Variants in ADIPOR2 observed in about 807,000 individuals in gnomAD.
The protein encoded by ADIPOR2 is adiponectin receptor 2.
In ADIPOR2, 18 loss-of-function variants were observed where a neutral mutation model predicts 40.9. That is an observed-to-expected ratio of 0.44 (90% CI 0.30 to 0.65). The LOEUF is 0.65. Among genes scored for constraint, ADIPOR2 ranks in the 30% least tolerant of loss-of-function variants. The pLI, the probability that ADIPOR2 is intolerant of heterozygous loss-of-function variation, is 0.09. For synonymous variants in ADIPOR2, 165 were observed against 166.4 expected (o/e 0.99, Z 0.06); for missense variants, 283 against 479.2 (o/e 0.59, Z 3.82).
At chr12:1,755,439 A>T (rs76667618) in intron 2 of ADIPOR2, among the ~76,000 whole-genome samples, 1 of 152,216 alleles carries the variant, frequency 6.6e-6, no homozygotes, top group East Asian at 1.9e-4. Context: ...GACGTGGTCT[A>T]TGGGTACCAT....
intron 1 of ADIPOR2, among the ~76,000 whole-genome samples, chr12:1,747,001 C>G (rs1421042870): frequency 5.9e-5 from 9 of 152,010 alleles, no homozygotes; most frequent in Non-Finnish European, 1.0e-4. Context: ...TGTCCTTGCA[C>G]TCTAGTCTGG....
At position 1,748,272 on chromosome 12, in the gene ADIPOR2, G is replaced by A. The variant is rs6489328; in HGVS notation, c.-86-5986G>A. Among the ~76,000 whole-genome samples, 503 of 151,680 alleles carry A rather than the reference G, an allele frequency of 3.3e-3. 5 individuals carry two copies. Among genetic ancestry groups the A allele is most frequent in the African/African-American group, 0.012 (485 of 41,374 alleles). ...ATTTATTTATTCTTTTTTTAGAGAC[G>A]GAGTCTCTCTCTGTCGCCCAGGCTG... On this transcript the variant is annotated intron_variant, in intron 1 of 7. Transcript: ENST00000357103.
At chr12:1,724,604 A>T (rs890534937) in intron 1 of ADIPOR2, among the ~76,000 whole-genome samples, 1 of 152,206 alleles carries the variant, frequency 6.6e-6, no homozygotes, top group Admixed American at 6.5e-5. Context: ...ACTCAGTAAC[A>T]TTAACTGTGC....
intron 1 of ADIPOR2, among the ~76,000 whole-genome samples, chr12:1,736,582 T>C (rs1038907986): frequency 6.6e-6 from 1 of 152,258 alleles, no homozygotes; most frequent in Non-Finnish European, 1.5e-5. Context: ...TCATTAATTT[T>C]TTGAAGGGTT....
intron 2 of ADIPOR2, among the ~76,000 whole-genome samples, chr12:1,756,430 G>A (rs949596492): frequency 7.3e-5 from 11 of 150,562 alleles, no homozygotes; most frequent in Admixed American, 2.7e-4. Context: ...GATTACAAGC[G>A]TGAGCCACTG....
intron 2 of ADIPOR2, chr12:1,761,056 TATA>T (rs2154443779): frequency 6.6e-6 from 1 of 152,314 alleles, no homozygotes; most frequent in South Asian, 2.1e-4. Context: ...AGTATATTGT[TATA>T]ATTGTTCTAT....
intron 2 of ADIPOR2, among the ~76,000 whole-genome samples, chr12:1,768,277 A>G (rs1451350060): frequency 2.6e-5 from 4 of 152,098 alleles, no homozygotes; most frequent in Non-Finnish European, 4.4e-5. Context: ...ATGTTTTGCT[A>G]CTTTCCTAAA....
chr12:1,767,519 A>G, intron 2 of ADIPOR2, among the ~76,000 whole-genome samples: 1 of 151,542 alleles, frequency 6.6e-6, no homozygotes, highest in East Asian at 1.9e-4. Flanking sequence ...GTTTCCACAA[A>G]CCTCTTTGTT....
At chr12:1,731,245 C>G (rs984956171) in intron 1 of ADIPOR2, among the ~76,000 whole-genome samples, 2 of 152,090 alleles carry the variant, frequency 1.3e-5, no homozygotes, top group Admixed American at 1.3e-4. Context: ...GAGGCGGCAT[C>G]TTATTATGTT....
chr12:1,724,741 A>G (rs1477547410), intron 1 of ADIPOR2, among the ~76,000 whole-genome samples: 7 of 152,004 alleles, frequency 4.6e-5, no homozygotes, highest in Non-Finnish European at 7.4e-5. Flanking sequence ...CCCAGGCTGG[A>G]ATGCGGTGGC....
chr12:1,700,035 T>G (rs1002456631), intron 1 of ADIPOR2, among the ~76,000 whole-genome samples: 2 of 152,202 alleles, frequency 1.3e-5, no homozygotes, highest in African/African-American at 4.8e-5. Context: ...AAAGGACACT[T>G]AAGTTTTTTA....
chr12:1,693,294 T>C (rs1422078829), intron 1 of ADIPOR2, among the ~76,000 whole-genome samples: 5 of 93,148 alleles, frequency 5.4e-5, no homozygotes, highest in Non-Finnish European at 8.9e-5. Flanking sequence ...TAACACCTTA[T>C]ATTTATTTAC....
chr12:1,740,685 G>A (rs904256319), intron 1 of ADIPOR2, among the ~76,000 whole-genome samples: 16 of 152,238 alleles, frequency 1.1e-4, no homozygotes, highest in African/African-American at 3.9e-4. Flanking sequence ...AGATCTTGAG[G>A]GTGTGTACTG....
At chr12:1,763,177 TAA>T (rs1269997590) in intron 2 of ADIPOR2, among the ~76,000 whole-genome samples, 1 of 152,208 alleles carries the variant, frequency 6.6e-6, no homozygotes, top group Non-Finnish European at 1.5e-5. Flanking sequence ...TATTAGAAAC[TAA>T]ATACTTTAAA....
intron 1 of ADIPOR2, among the ~76,000 whole-genome samples, chr12:1,703,582 A>T (rs1387919520): frequency 1.3e-5 from 2 of 152,062 alleles, no homozygotes; most frequent in Non-Finnish European, 2.9e-5. Flanking sequence ...AAAAAACTTA[A>T]AAAATTAGCC....
intron 1 of ADIPOR2, among the ~76,000 whole-genome samples, chr12:1,702,504 A>G (rs951091368): frequency 6.6e-6 from 1 of 152,138 alleles, no homozygotes; most frequent in Non-Finnish European, 1.5e-5. Context: ...TGAGTGTGAA[A>G]TGTTACCACA....
At chr12:1,750,353 G>A (rs1017903549) in intron 1 of ADIPOR2, among the ~76,000 whole-genome samples, 7 of 149,366 alleles carry the variant, frequency 4.7e-5, no homozygotes, top group African/African-American at 1.7e-4. Context: ...GAGTTCAGGA[G>A]TTCAAGACCA....
rs1036584245 is a variant in ADIPOR2 at position 1,787,867 on chromosome 12, G to A, written c.*1795G>A. ...TGTAGAAGTTGAGAAGAACTTGAAC[G>A]TTTTGGTTCTGGATAAGGTCACTGT... is the stretch of plus-strand genomic sequence containing the variant. On this transcript the variant is annotated 3_prime_UTR_variant, in exon 8 of 8. Transcript: ENST00000357103. 2 of 152,632 alleles carry A rather than the reference G, an allele frequency of 1.3e-5. No homozygotes were observed. Among genetic ancestry groups the A allele is most frequent in the African/African-American group, 4.8e-5 (2 of 41,442 alleles). The allele number at this position is 152,632 out of a possible 1,614,324, so 9.5% of individuals were successfully genotyped here.
chr12:1,702,377 A>C (rs749331942), intron 1 of ADIPOR2, among the ~76,000 whole-genome samples: 1 of 152,148 alleles, frequency 6.6e-6, no homozygotes, highest in South Asian at 2.1e-4. Flanking sequence ...GCTGTATTGG[A>C]TATTGTCAAA....
Sources: allele counts gnomAD v4.1 joint callset (sites outside exome capture counted in the v4.1 genomes callset), GRCh38; gene constraint gnomAD v4.1.1; transcripts MANE v1.5; gene names NCBI Gene and HGNC (gene_info 2026-07-23, HGNC 2026-07-21).